The following METTL16 variants were observed in gnomAD, a reference collection of about 807,000 sequenced individuals.
METTL16 encodes RNA N(6)-adenosine-methyltransferase METTL16.
METTL16 carries 19 observed loss-of-function variants against 57.9 expected under a neutral mutation model. The ratio of observed to expected loss-of-function variants is 0.33; its 90% CI spans 0.23 to 0.48. The LOEUF (loss-of-function observed/expected upper bound fraction) is 0.48, where lower values mean the gene tolerates loss of function less well. Among genes scored for constraint, METTL16 ranks in the 20% least tolerant of loss-of-function variants. The pLI is 0.99. For synonymous variants in METTL16, 246 were observed against 255.6 expected (o/e 0.96, Z 0.36); for missense variants, 434 against 691.5 (o/e 0.63, Z 4.18).
At chr17:2,501,065 C>A (rs548755332) in intron 2 of METTL16, among the ~76,000 whole-genome samples, 1 of 151,964 alleles carries the variant, frequency 6.6e-6, no homozygotes, top group East Asian at 1.9e-4. Flanking sequence ...TGCAGTGAGG[C>A]GAGACTGCAC....
chr17:2,418,758 C>G lies in METTL16; in HGVS notation c.*1212G>C, dbSNP rs935286926. The G allele has an allele frequency of 6.6e-6, 1 of 152,322 alleles. No homozygotes were observed. The highest frequency in any genetic ancestry group is 2.4e-5 in the African/African-American group (1 of 41,460). The allele number at this position is 152,322 out of a possible 1,614,324, so 9.4% of individuals were successfully genotyped here. A position where few individuals can be genotyped will look rare whatever the true frequency, so the allele number is the denominator to read the frequency against. On this transcript the variant is annotated 3_prime_UTR_variant, in exon 10 of 10. Transcript: ENST00000263092. ...GTCACCAGCTTCCCGTCCTGACCAA[C>G]AGCCACCTCTCAGAAGGCTGGCTTA...
chr17:2,500,887 C>T (rs538857489), intron 2 of METTL16, among the ~76,000 whole-genome samples: 27 of 151,868 alleles, frequency 1.8e-4, no homozygotes, highest in Non-Finnish European at 2.6e-4. Flanking sequence ...GAAGCCAAGG[C>T]GGGCGGATCA....
chr17:2,482,083 T>C (rs2067311298), intron 2 of METTL16, among the ~76,000 whole-genome samples: 1 of 152,188 alleles, frequency 6.6e-6, no homozygotes, highest in African/African-American at 2.4e-5. Context: ...CAGATAAACA[T>C]TTTGAGTATA....
chr17:2,452,832 C>T (rs1165382964), intron 6 of METTL16, among the ~76,000 whole-genome samples: 4 of 151,904 alleles, frequency 2.6e-5, no homozygotes, highest in South Asian at 2.1e-4. Flanking sequence ...ATTTTAAAAG[C>T]GTGTATTGTT....
At chr17:2,434,851 G>T (rs780469374) in intron 8 of METTL16, among the ~76,000 whole-genome samples, 7 of 152,166 alleles carry the variant, frequency 4.6e-5, no homozygotes, top group Non-Finnish European at 7.3e-5. Flanking sequence ...CAATGCAGGG[G>T]ATCCTTTTTA....
chr17:2,488,084 A>T (rs1424620285), intron 2 of METTL16, among the ~76,000 whole-genome samples: 1 of 152,096 alleles, frequency 6.6e-6, no homozygotes, highest in Non-Finnish European at 1.5e-5. Flanking sequence ...CTAAAAAATG[A>T]AAAAAACCTC....
In METTL16 at chr17:2,420,145, T is replaced by C. The variant is rs368532453; in HGVS notation, c.1514A>G (p.Lys505Arg). Residue 505 changes from lysine (K) to arginine (R), a missense_variant, in exon 10 of 10, where the codon AAA becomes AGA. By Grantham distance (26) the Lys-to-Arg change is conservative. Around this residue, in one of 5 missense-constraint regions of METTL16, gnomAD observed 168 missense variants for 149.6 expected, o/e 1.12. Transcript: ENST00000263092. This position sits in a 1 kb window ranked among gnomAD's most constrained non-coding sequence, Gnocchi z 5.4. ...QFGSPVAERG[K>R]RLPGVAGQYL... ...CTGTCCGGCCACTCCTGGGAGACGT[T>C]TCCCCCTTTCAGCCACTGGGCTGCC... The C allele has an allele frequency of 9.3e-6, 15 of 1,614,128 alleles. No homozygotes were observed. The African/African-American group carries it at 1.7e-4, about 19-fold the overall frequency.
intron 6 of METTL16, among the ~76,000 whole-genome samples, chr17:2,444,200 T>A (rs1308331031): frequency 6.6e-6 from 1 of 152,036 alleles, no homozygotes; most frequent in East Asian, 1.9e-4. Flanking sequence ...GCACGGTGGC[T>A]CACACTTTGG....
At chr17:2,448,795 TA>T (rs2067042339) in intron 6 of METTL16, among the ~76,000 whole-genome samples, 2 of 36,830 alleles carry the variant, frequency 5.4e-5, no homozygotes, top group Admixed American at 5.4e-4. Flanking sequence ...AAAATAAAAA[TA>T]AAATTTAAAA....
intron 2 of METTL16, among the ~76,000 whole-genome samples, chr17:2,494,929 C>T (rs1006723888): frequency 1.1e-4 from 17 of 151,706 alleles, no homozygotes; most frequent in African/African-American, 2.9e-4. Flanking sequence ...ACCCGGGAGC[C>T]GGAGGTTGCA....
At chr17:2,506,768 C>A (rs1168941113) in intron 1 of METTL16, among the ~76,000 whole-genome samples, 2 of 147,838 alleles carry the variant, frequency 1.4e-5, no homozygotes, top group African/African-American at 5.3e-5. Flanking sequence ...TGTGAGGAGC[C>A]TCTCTGCCTG....
chr17:2,417,575 G>A lies in METTL16; in HGVS notation c.*2395C>T, dbSNP rs1010952292. The A allele has an allele frequency of 2.6e-5, 4 of 152,170 alleles. No homozygotes were observed. Among genetic ancestry groups the A allele is most frequent in the African/African-American group, 9.7e-5 (4 of 41,414 alleles). 9.4% of individuals were successfully genotyped at this position (152,170 alleles called of 1,614,324 possible). A position where few individuals can be genotyped will look rare whatever the true frequency, so the allele number is the denominator to read the frequency against. ...AAGACATTTTGAACAGGCAAGGAGTGTAAGCTAATACACTACTGTTACAAC... is the reference window on the plus strand; with the variant it reads ...AAGACATTTTGAACAGGCAAGGAGTATAAGCTAATACACTACTGTTACAAC... On this transcript the variant is annotated 3_prime_UTR_variant, in exon 10 of 10. Coordinates refer to ENST00000263092, the MANE Select transcript of METTL16 (RefSeq NM_024086.4).
At chr17:2,493,839 C>G (rs1463420378) in intron 2 of METTL16, among the ~76,000 whole-genome samples, 1 of 151,982 alleles carries the variant, frequency 6.6e-6, no homozygotes, top group Non-Finnish European at 1.5e-5. Context: ...TCATTTACAC[C>G]AAGGTAGACT....
intron 6 of METTL16, among the ~76,000 whole-genome samples, chr17:2,446,142 A>G (rs563894588): frequency 1.3e-5 from 2 of 152,192 alleles, no homozygotes; most frequent in Non-Finnish European, 2.9e-5. Flanking sequence ...AATAAAGTGA[A>G]TCTAAGAAAC....
intron 8 of METTL16, among the ~76,000 whole-genome samples, chr17:2,428,725 C>T (rs543054317): frequency 2.7e-4 from 40 of 149,048 alleles, no homozygotes; most frequent in African/African-American, 9.1e-4. Context: ...AGTAAGACCC[C>T]ATCTCTATTT....
chr17:2,444,247 C>G (rs2066976334), intron 6 of METTL16, among the ~76,000 whole-genome samples: 1 of 151,968 alleles, frequency 6.6e-6, no homozygotes, highest in South Asian at 2.1e-4. Context: ...GCCAAGAGTT[C>G]GAGACTAGCT....
rs569068460 is a variant in METTL16 at position 2,444,444 on chromosome 17, T to A, written c.729-2885A>T. ...CAGCCTGGGCTACAGAGCGAGACTCTGTCTCAAAATAAAATAAAGTAAAAT... is the reference window on the plus strand; with the variant it reads ...CAGCCTGGGCTACAGAGCGAGACTCAGTCTCAAAATAAAATAAAGTAAAAT... On this transcript the variant is annotated intron_variant, in intron 6 of 9. Transcript: ENST00000263092. 3.3e-5 allele frequency among the ~76,000 whole-genome samples: 5 copies of A among 152,160 alleles called. No homozygotes were observed. In the South Asian group the frequency reaches 1.0e-3, roughly 32 times the overall value.
intron 2 of METTL16, among the ~76,000 whole-genome samples, chr17:2,481,432 C>T (rs886758322): frequency 6.6e-5 from 10 of 151,978 alleles, no homozygotes; most frequent in Admixed American, 3.3e-4. Context: ...TATGCTTCAA[C>T]GATACAGAGA....
At chr17:2,505,438 A>T in intron 1 of METTL16, among the ~76,000 whole-genome samples, 2 of 79,052 alleles carry the variant, frequency 2.5e-5, no homozygotes, top group Admixed American at 2.1e-4. Flanking sequence ...TTTTAGATAC[A>T]TGGTTTCGTT....
Sources: gnomAD v4.1 joint callset for allele counts (sites outside exome capture counted in the v4.1 genomes callset) on GRCh38, gnomAD v4.1.1 for gene constraint, gnomAD v4.1.1 regional missense constraint, Gnocchi (gnomAD v3.1) non-coding constraint, MANE v1.5 for transcripts, NCBI Gene and HGNC (gene_info 2026-07-23, HGNC 2026-07-21) for gene names.